Variants in NRCAM observed in about 807,000 individuals in gnomAD.
NRCAM encodes NgCAM-related cell adhesion molecule.
A neutral mutation model predicts 156.5 loss-of-function variants in NRCAM; 83 were observed. The ratio of observed to expected loss-of-function variants is 0.53; its 90% CI spans 0.44 to 0.64. The LOEUF (loss-of-function observed/expected upper bound fraction) is 0.64. NRCAM is among the 30% of genes least tolerant of loss of function. The pLI is 0.00. For missense variants in NRCAM, 1,417 were observed against 1,597.3 expected, an observed-to-expected ratio of 0.89 and a Z score of 1.92; for synonymous variants, 538 against 563.9, an observed-to-expected ratio of 0.95 and a Z score of 0.65.
chr7:108,294,193 G>GTTTTTTTTTTT (rs56717039), intron 3 of NRCAM, among the ~76,000 whole-genome samples: 2 of 87,932 alleles, frequency 2.3e-5, no homozygotes, highest in South Asian at 5.8e-4. Context: ...TTCTTTACTG[G>GTTTTTTTTTTT]TTTTTTTTTT....
intron 20 of NRCAM, among the ~76,000 whole-genome samples, chr7:108,187,733 C>T (rs1330075229): frequency 1.3e-5 from 2 of 151,850 alleles, no homozygotes; most frequent in African/African-American, 2.4e-5. Flanking sequence ...GGGTGGATCA[C>T]GAGGTCGGGA....
chr7:108,255,289 GC>G (rs1312821799), intron 3 of NRCAM, among the ~76,000 whole-genome samples: 1 of 151,760 alleles, frequency 6.6e-6, no homozygotes, highest in East Asian at 1.9e-4. Flanking sequence ...GCCTCAGCCT[GC>G]CGAGTGCCTG....
Position 108,288,437 on chromosome 7 carries a change from G to A in NRCAM, c.-107+24228C>T, listed in dbSNP as rs371619809. On this transcript the variant is annotated intron_variant, in intron 3 of 32. Transcript: ENST00000379028. ...CATATATTGGCAATGGCTACTCAAA[G>A]GTATATGGAAAATGTACATCAGTGT... is the stretch of plus-strand genomic sequence containing the variant. Among the ~76,000 whole-genome samples, 191 of 152,040 alleles carry A rather than the reference G, an allele frequency of 1.3e-3. 1 individual carries two copies. The highest frequency in any genetic ancestry group is 0.01 in the South Asian group (50 of 4,816).
intron 20 of NRCAM, among the ~76,000 whole-genome samples, chr7:108,188,586 AAATG>A (rs1339415994): frequency 6.6e-6 from 1 of 151,766 alleles, no homozygotes; most frequent in African/African-American, 2.4e-5. Flanking sequence ...ATGAATGAGT[AAATG>A]AATGAAAGAG....
chr7:108,181,888 G>A lies in NRCAM; in HGVS notation c.2580C>T (p.Thr860=). 1 of 1,614,140 alleles carries A rather than the reference G, an allele frequency of 6.2e-7. No homozygotes were observed. ...GNVRVNVVNS[T]LAEVHWDPVP... ...CTGGGTCCCAGTGCACCTCGGCTAA[G>A]GTACTGTTCACCACATTCACACGCA... The change falls in exon 24 of 33, where the codon ACC becomes ACT. Residue 860 remains threonine (T), a synonymous_variant. Coordinates refer to ENST00000379028, the MANE Select transcript of NRCAM (RefSeq NM_001037132.4).
intron 3 of NRCAM, among the ~76,000 whole-genome samples, chr7:108,311,018 G>A (rs1025105835): frequency 1.3e-5 from 2 of 152,180 alleles, no homozygotes; most frequent in Non-Finnish European, 2.9e-5. Flanking sequence ...AGAACTACCT[G>A]AGAGTGGGCT....
At chr7:108,312,515 G>C (rs2098816152) in intron 3 of NRCAM, 150 bp downstream of exon 3, 1 of 152,002 alleles carries the variant, frequency 6.6e-6, no homozygotes, top group South Asian at 2.1e-4. Context: ...TAATGTTTTT[G>C]CATCTATGTT....
chr7:108,278,331 T>C (rs76049461), intron 3 of NRCAM, among the ~76,000 whole-genome samples: 1 of 152,360 alleles, frequency 6.6e-6, no homozygotes, highest in Non-Finnish European at 1.5e-5. Context: ...TGTTCAGATA[T>C]GCCCTGCCCT....
intron 3 of NRCAM, among the ~76,000 whole-genome samples, chr7:108,252,698 AGTTCTTCTGTACAGAT>A (rs1412004979): frequency 1.6e-4 from 25 of 152,358 alleles, no homozygotes; most frequent in African/African-American, 5.8e-4. Flanking sequence ...CAAGACACCT[AGTTCTTCTGTACAGAT>A]TTTATAAATT....
chr7:108,299,927 C>T (rs916245886), intron 3 of NRCAM, among the ~76,000 whole-genome samples: 13 of 152,078 alleles, frequency 8.5e-5, no homozygotes, highest in East Asian at 5.8e-4. Context: ...CACTGTACCT[C>T]GATGTCTTCA....
intron 11 of NRCAM, among the ~76,000 whole-genome samples, chr7:108,212,174 C>T (rs190442851): frequency 6.6e-6 from 1 of 152,174 alleles, no homozygotes; most frequent in Non-Finnish European, 1.5e-5. Flanking sequence ...TCATAGGAAG[C>T]CACATCCATA....
chr7:108,258,109 C>T (rs2096752640), intron 3 of NRCAM, among the ~76,000 whole-genome samples: 1 of 152,164 alleles, frequency 6.6e-6, no homozygotes, highest in Admixed American at 6.5e-5. Context: ...GGGTCTCTGC[C>T]TGTTGGAGGA....
At chr7:108,375,129 T>C (rs1042048424) in intron 2 of NRCAM, among the ~76,000 whole-genome samples, 6 of 152,132 alleles carry the variant, frequency 3.9e-5, no homozygotes. Context: ...TCCTCTGATT[T>C]TGACTGAGGA....
At chr7:108,189,588 A>C in intron 20 of NRCAM, 57 bp downstream of exon 20, 2 of 767,436 alleles carry the variant, frequency 2.6e-6, no homozygotes. Context: ...ACTGTTACAA[A>C]GTGCTTCAAA....
Position 108,174,859 on chromosome 7 carries a change from C to T in NRCAM, c.3187+463G>A, listed in dbSNP as rs145070445. Among the ~76,000 whole-genome samples, 368 of 152,312 alleles carry T rather than the reference C, an allele frequency of 2.4e-3. 1 individual carries two copies. Among genetic ancestry groups the T allele is most frequent in the African/African-American group, 8.3e-3 (344 of 41,564 alleles). On this transcript the variant is annotated intron_variant, in intron 28 of 32. Coordinates refer to ENST00000379028, the MANE Select transcript of NRCAM (RefSeq NM_001037132.4). ...TTGCTACGCTGTAATTCCAAATGGA[C>T]GGTTTTGTGCAATGGCAGCCGAGTG...
chr7:108,184,155 T>G, intron 22 of NRCAM, 86 bp downstream of exon 22: 1 of 903,868 alleles, frequency 1.1e-6, no homozygotes, highest in Non-Finnish European at 1.7e-6. Flanking sequence ...ATAGGTGAAA[T>G]GAGATTCTAA....
chr7:108,251,776 C>A (rs2153903164), intron 3 of NRCAM, among the ~76,000 whole-genome samples: 1 of 152,272 alleles, frequency 6.6e-6, no homozygotes, highest in South Asian at 2.1e-4. Context: ...TGAAGTTGAG[C>A]AGTGGTTTCT....
chr7:108,289,614 G>A (rs1403143534), intron 3 of NRCAM, among the ~76,000 whole-genome samples: 1 of 151,998 alleles, frequency 6.6e-6, no homozygotes, highest in Non-Finnish European at 1.5e-5. Context: ...CACATGGGAG[G>A]CACTCAAGAA....
Position 108,178,075 on chromosome 7 carries a change from T to A in NRCAM, c.2889A>T (p.Pro963=). 1 of 1,613,530 alleles carries A rather than the reference T, an allele frequency of 6.2e-7. No homozygotes were observed. The highest frequency in any genetic ancestry group is 8.5e-7 in the Non-Finnish European group (1 of 1,179,644). ...ATTCCAAAGTGAGAGAGTCCAGTGT[T>A]GGATTCACAATCTTCAAAGACGAGG... ...SAPSSLKIVN[P]TLDSLTLEWD... Residue 963 remains proline, a synonymous_variant, in exon 26 of 33, where the codon CCA becomes CCT. Transcript: ENST00000379028.
Sources: allele counts gnomAD v4.1 joint callset (sites outside exome capture counted in the v4.1 genomes callset), GRCh38; gene constraint gnomAD v4.1.1; transcripts MANE v1.5; gene names NCBI Gene and HGNC (gene_info 2026-07-23, HGNC 2026-07-21).